Variants in ERBB4 observed in about 807,000 individuals in gnomAD.
ERBB4 encodes erb-b2 receptor tyrosine kinase 4, also known as receptor tyrosine-protein kinase erbB-4.
A neutral mutation model predicts 158.0 loss-of-function variants in ERBB4; 42 were observed. That is an observed-to-expected ratio of 0.27 (90% CI 0.21 to 0.34). The LOEUF (loss-of-function observed/expected upper bound fraction) is 0.34. ERBB4 is among the 10% of genes least tolerant of loss of function. The pLI, the probability that ERBB4 is intolerant of heterozygous loss-of-function variation, is 1.00. For synonymous variants in ERBB4, 583 were observed against 558.7 expected, an observed-to-expected ratio of 1.04 and a Z score of -0.61; for missense variants, 1,333 against 1,624.1, an observed-to-expected ratio of 0.82 and a Z score of 3.08.
chr2:212,207,082 C>T (rs1323318443), intron 1 of ERBB4, among the ~76,000 whole-genome samples: 1 of 151,218 alleles, frequency 6.6e-6, no homozygotes, highest in African/African-American at 2.4e-5. Context: ...TATGTGAATT[C>T]ATAAACTGAA....
intron 1 of ERBB4, among the ~76,000 whole-genome samples, chr2:212,239,631 T>A (rs764028512): frequency 2.0e-5 from 3 of 152,206 alleles, no homozygotes; most frequent in Non-Finnish European, 4.4e-5. Context: ...TGAAATCTAT[T>A]CAAAGTACTT....
chr2:212,391,537 C>T (rs1354077781), intron 1 of ERBB4, among the ~76,000 whole-genome samples: 1 of 147,222 alleles, frequency 6.8e-6, no homozygotes, highest in Non-Finnish European at 1.5e-5. Context: ...TGTATGGCCT[C>T]ATAGATATAT....
chr2:211,920,920 T>G (rs138666045), intron 3 of ERBB4, among the ~76,000 whole-genome samples: 2 of 152,048 alleles, frequency 1.3e-5, no homozygotes, highest in Non-Finnish European at 2.9e-5. Flanking sequence ...ATACATATTT[T>G]GAATTATGTT....
chr2:212,163,139 G>GT (rs1559629381), intron 1 of ERBB4, among the ~76,000 whole-genome samples: 1 of 151,666 alleles, frequency 6.6e-6, no homozygotes, highest in South Asian at 2.1e-4. Context: ...TTTTTGCTTT[G>GT]TACCTTCCTG....
At chr2:212,283,089 A>G (rs1187586218) in intron 1 of ERBB4, among the ~76,000 whole-genome samples, 2 of 151,914 alleles carry the variant, frequency 1.3e-5, no homozygotes, top group African/African-American at 4.8e-5. Flanking sequence ...AGAATAAAGC[A>G]ATCTCAGGGC....
intron 2 of ERBB4, among the ~76,000 whole-genome samples, chr2:211,952,192 T>G (rs1375927279): frequency 6.6e-6 from 1 of 152,032 alleles, no homozygotes; most frequent in Non-Finnish European, 1.5e-5. Flanking sequence ...ATAGTCACAT[T>G]CTCTCAGGTA....
At chr2:212,144,617 C>G (rs1313423790) in intron 1 of ERBB4, among the ~76,000 whole-genome samples, 13 of 152,136 alleles carry the variant, frequency 8.5e-5, no homozygotes, top group Admixed American at 7.2e-4. Flanking sequence ...AATTTATATG[C>G]AAGGATTTAT....
chr2:211,980,581 G>A (rs2081762602), intron 2 of ERBB4, among the ~76,000 whole-genome samples: 1 of 152,010 alleles, frequency 6.6e-6, no homozygotes, highest in African/African-American at 2.4e-5. Context: ...AAAGATTTTT[G>A]AGCATGCCTC....
At chr2:211,587,052 A>G (rs56380017) in intron 19 of ERBB4, among the ~76,000 whole-genome samples, 7,779 of 152,226 alleles carry the variant, frequency 0.051, 669 homozygotes, top group African/African-American at 0.18. Context: ...AACCATTGTA[A>G]GTGAGGAACC....
chr2:211,780,675 C>A (rs2076012273), intron 4 of ERBB4, among the ~76,000 whole-genome samples: 1 of 152,144 alleles, frequency 6.6e-6, no homozygotes, highest in Admixed American at 6.5e-5. Flanking sequence ...TTAGTGCATT[C>A]TTTTTTAAAC....
At chr2:211,693,044 A>G (rs578163419) in intron 12 of ERBB4, among the ~76,000 whole-genome samples, 3 of 152,310 alleles carry the variant, frequency 2.0e-5, no homozygotes, top group African/African-American at 7.2e-5. Context: ...GATGCTACAC[A>G]AATTGTTGTT....
chr2:211,409,910 G>C (rs2063222686), intron 25 of ERBB4, among the ~76,000 whole-genome samples: 2 of 152,132 alleles, frequency 1.3e-5, no homozygotes, highest in Non-Finnish European at 2.9e-5. Context: ...TTGCAACTCT[G>C]ACACTCCGCG....
chr2:211,976,129 C>A (rs2081599241), intron 2 of ERBB4, among the ~76,000 whole-genome samples: 1 of 151,966 alleles, frequency 6.6e-6, no homozygotes. Flanking sequence ...GGGAGGTTTA[C>A]ACATTTACAT....
intron 1 of ERBB4, among the ~76,000 whole-genome samples, chr2:212,274,588 C>A (rs947988152): frequency 5.9e-5 from 9 of 151,710 alleles, no homozygotes; most frequent in African/African-American, 2.2e-4. Flanking sequence ...AATATGGCAC[C>A]TTAACATTAG....
intron 2 of ERBB4, among the ~76,000 whole-genome samples, chr2:211,990,773 AT>A (rs1254264820): frequency 6.6e-6 from 1 of 151,864 alleles, no homozygotes; most frequent in Non-Finnish European, 1.5e-5. Flanking sequence ...ATGTTGCAAA[AT>A]TTAGAAGACA....
At chr2:212,288,973 G>GTGAA (rs566572854) in intron 1 of ERBB4, among the ~76,000 whole-genome samples, 426 of 152,248 alleles carry the variant, frequency 2.8e-3, no homozygotes, top group Non-Finnish European at 4.4e-3. Flanking sequence ...GATAGAGAGT[G>GTGAA]TGAAGCCTTG....
At chr2:211,599,555 G>A (rs2068738683) in intron 19 of ERBB4, among the ~76,000 whole-genome samples, 1 of 128,992 alleles carries the variant, frequency 7.8e-6, no homozygotes, top group Non-Finnish European at 1.6e-5. Flanking sequence ...AAGTTAGACA[G>A]ACTCAGTGTG....
chr2:211,920,081 A>C (rs1203623991), intron 3 of ERBB4, among the ~76,000 whole-genome samples: 1 of 151,940 alleles, frequency 6.6e-6, no homozygotes, highest in African/African-American at 2.4e-5. Context: ...AAAAAACAAA[A>C]ATCTGGCAAA....
intron 1 of ERBB4, among the ~76,000 whole-genome samples, chr2:212,394,070 A>C (rs1357321123): frequency 2.0e-5 from 3 of 152,122 alleles, no homozygotes; most frequent in Non-Finnish European, 4.4e-5. Context: ...GATCTGCCTT[A>C]AACTAGTGAA....
Sources: gnomAD v4.1 joint callset for allele counts (sites outside exome capture counted in the v4.1 genomes callset) on GRCh38, gnomAD v4.1.1 for gene constraint, MANE v1.5 for transcripts, NCBI Gene and HGNC (gene_info 2026-07-23, HGNC 2026-07-21) for gene names.